AHCYL2: variants seen among roughly 807,000 people sequenced by gnomAD.
AHCYL2 encodes S-adenosylhomocysteine hydrolase-like protein 2.
In AHCYL2, 28 loss-of-function variants were observed where a neutral mutation model predicts 81.4. That is an observed-to-expected ratio of 0.34 (90% CI 0.25 to 0.47). AHCYL2 has a LOEUF of 0.47. Among genes scored for constraint, AHCYL2 ranks in the 20% least tolerant of loss-of-function variants. The pLI is 1.00. For synonymous variants in AHCYL2, 272 were observed against 290.2 expected (o/e 0.94, Z 0.64); for missense variants, 551 against 785.1 (o/e 0.70, Z 3.56).
intron 1 of AHCYL2, among the ~76,000 whole-genome samples, chr7:129,370,962 C>T (rs575009618): frequency 1.3e-5 from 2 of 152,336 alleles, no homozygotes; most frequent in South Asian, 4.1e-4. Context: ...TGACTCCTGA[C>T]TTGGTCTGAA....
At chr7:129,271,621 G>A (rs1168952724) in intron 1 of AHCYL2, among the ~76,000 whole-genome samples, 1 of 152,054 alleles carries the variant, frequency 6.6e-6, no homozygotes, top group African/African-American at 2.4e-5. Flanking sequence ...CTAAAAACCC[G>A]GGTGCGGGTA....
chr7:129,260,076 C>CAA (rs35687709), intron 1 of AHCYL2, among the ~76,000 whole-genome samples: 9 of 67,608 alleles, frequency 1.3e-4, no homozygotes, highest in Non-Finnish European at 1.8e-4. Flanking sequence ...AACTCCATCT[C>CAA]AAAAAAAAAA....
At chr7:129,400,473 G>A (rs1483709208) in intron 6 of AHCYL2, 89 bp downstream of exon 6, 2 of 1,237,942 alleles carry the variant, frequency 1.6e-6, no homozygotes, top group Non-Finnish European at 1.1e-6. Context: ...TTCCCAACAA[G>A]AAGGAAGGAA....
intron 4 of AHCYL2, among the ~76,000 whole-genome samples, chr7:129,390,448 G>A (rs1172665285): frequency 6.6e-6 from 1 of 152,160 alleles, no homozygotes; most frequent in African/African-American, 2.4e-5. Context: ...AGCACAGTAA[G>A]AAATGAACAA....
chr7:129,346,482 G>GA (rs1793365820), intron 1 of AHCYL2, among the ~76,000 whole-genome samples: 1 of 152,108 alleles, frequency 6.6e-6, no homozygotes, highest in Non-Finnish European at 1.5e-5. Flanking sequence ...GACATGGATA[G>GA]AAAACTCACC....
chr7:129,403,792 C>T (rs1290814187), intron 7 of AHCYL2, among the ~76,000 whole-genome samples: 7 of 139,412 alleles, frequency 5.0e-5, no homozygotes, highest in East Asian at 4.4e-4. Context: ...ACCCAGGAGG[C>T]GGAGCTTGCA....
intron 1 of AHCYL2, among the ~76,000 whole-genome samples, chr7:129,244,774 A>G (rs1794989366): frequency 6.6e-6 from 1 of 152,164 alleles, no homozygotes; most frequent in African/African-American, 2.4e-5. Flanking sequence ...GCAATATCTA[A>G]TGCCGCCTTC....
intron 7 of AHCYL2, among the ~76,000 whole-genome samples, 154 bp downstream of exon 7, chr7:129,403,639 G>A (rs1796138265): frequency 1.3e-5 from 2 of 151,812 alleles, no homozygotes; most frequent in African/African-American, 4.8e-5. Context: ...TGAGGTGGGC[G>A]GATCACGAGG....
intron 5 of AHCYL2, among the ~76,000 whole-genome samples, chr7:129,397,804 T>C (rs1420260975): frequency 2.6e-5 from 4 of 152,312 alleles, no homozygotes; most frequent in Non-Finnish European, 5.9e-5. Flanking sequence ...ACAAAAGAAA[T>C]AGAGAAATTT....
intron 1 of AHCYL2, among the ~76,000 whole-genome samples, chr7:129,240,180 A>C (rs1046359487): frequency 6.6e-6 from 1 of 151,840 alleles, no homozygotes; most frequent in Non-Finnish European, 1.5e-5. Context: ...GCGCCATTGC[A>C]CTCCAGCCTG....
intron 1 of AHCYL2, among the ~76,000 whole-genome samples, chr7:129,320,801 C>T (rs1797988581): frequency 6.6e-6 from 1 of 152,180 alleles, no homozygotes; most frequent in Admixed American, 6.5e-5. Flanking sequence ...CCCCCCAGCC[C>T]CTGGCAACCA....
intron 2 of AHCYL2, among the ~76,000 whole-genome samples, chr7:129,381,339 A>G (rs769526725): frequency 4.6e-5 from 7 of 152,154 alleles, no homozygotes; most frequent in African/African-American, 7.2e-5. Context: ...ACTTTAAAAA[A>G]TATCTATTTA....
chr7:129,334,139 T>A (rs1458586525), intron 1 of AHCYL2, among the ~76,000 whole-genome samples: 1 of 152,252 alleles, frequency 6.6e-6, no homozygotes, highest in South Asian at 2.1e-4. Context: ...GTAATTTTAC[T>A]GACTTTAAGT....
Position 129,330,704 on chromosome 7 carries a change from A to G in AHCYL2, c.364-48934A>G, listed in dbSNP as rs374248003. On this transcript the variant is annotated intron_variant, in intron 1 of 16. Coordinates refer to ENST00000325006, the MANE Select transcript of AHCYL2 (RefSeq NM_015328.4). The stretch of plus-strand genomic sequence containing the variant: ...TATCCATCTCCCGACCTCGTGATCC[A>G]CCCGCCTTGGCCTCCCAAAGTGCTG... Among the ~76,000 whole-genome samples, 1,212 of 149,176 alleles carry G rather than the reference A, an allele frequency of 8.1e-3. 11 individuals carry two copies. The highest frequency in any genetic ancestry group is 0.012 in the Non-Finnish European group (808 of 66,916).
Position 129,407,593 on chromosome 7 carries a change from T to C in AHCYL2, c.1295+1127T>C, listed in dbSNP as rs751617506. On this transcript the variant is annotated intron_variant, in intron 10 of 16. Coordinates refer to ENST00000325006, the MANE Select transcript of AHCYL2 (RefSeq NM_015328.4). The stretch of plus-strand genomic sequence containing the variant: ...TAAGAGTTTAGGAACCTGAACATAT[T>C]TTAATACAAATTGATACTGTTCAGA... Among the ~76,000 whole-genome samples the C allele has an allele frequency of 2.3e-4, 35 of 152,122 alleles. 1 individual carries two copies. The highest frequency in any genetic ancestry group is 7.4e-5 in the Non-Finnish European group (5 of 68,018).
At chr7:129,287,395 T>G (rs996324745) in intron 1 of AHCYL2, among the ~76,000 whole-genome samples, 1 of 152,248 alleles carries the variant, frequency 6.6e-6, no homozygotes, top group African/African-American at 2.4e-5. Flanking sequence ...TTGTGTTTAA[T>G]CAGTACTGGC....
chr7:129,425,330 C>T (rs1797312733), intron 15 of AHCYL2, among the ~76,000 whole-genome samples, 189 bp downstream of exon 15: 1 of 151,736 alleles, frequency 6.6e-6, no homozygotes, highest in African/African-American at 2.4e-5. Context: ...GTTGCCCTAG[C>T]GAAGTTGTGA....
chr7:129,319,863 T>C (rs1309309023), intron 1 of AHCYL2, among the ~76,000 whole-genome samples: 1 of 152,234 alleles, frequency 6.6e-6, no homozygotes, highest in Admixed American at 6.5e-5. Context: ...ATAAAGCTGT[T>C]GTAAACATCC....
At chr7:129,337,751 TC>T (rs1798655510) in intron 1 of AHCYL2, among the ~76,000 whole-genome samples, 2 of 152,182 alleles carry the variant, frequency 1.3e-5, no homozygotes, top group East Asian at 3.9e-4. Flanking sequence ...TTTCAGTCTT[TC>T]TTTTCTTTGA....
Sources: gnomAD v4.1 joint callset for allele counts (sites outside exome capture counted in the v4.1 genomes callset) on GRCh38, gnomAD v4.1.1 for gene constraint, MANE v1.5 for transcripts, NCBI Gene and HGNC (gene_info 2026-07-23, HGNC 2026-07-21) for gene names.